Variants in XIRP2 observed in about 807,000 individuals in gnomAD.
XIRP2 encodes xin actin binding repeat containing 2, also known as xin actin-binding repeat-containing protein 2.
In XIRP2, 236 loss-of-function variants were observed where a neutral mutation model predicts 277.0. That is an observed-to-expected ratio of 0.85 (90% CI 0.77 to 0.95). The LOEUF is 0.95. Among genes scored for constraint, XIRP2 ranks in the 40% least tolerant of loss-of-function variants. The pLI is 0.00. For synonymous variants in XIRP2, 1,490 were observed against 1,416.5 expected (o/e 1.05, Z -1.17); for missense variants, 4,640 against 4,157.5 (o/e 1.12, Z -3.19).
intron 2 of XIRP2, among the ~76,000 whole-genome samples, chr2:166,998,677 G>A (rs945908374): frequency 3.3e-5 from 5 of 152,074 alleles, no homozygotes; most frequent in African/African-American, 1.2e-4. Flanking sequence ...TCAACTCAGA[G>A]TGAATGGTCA....
intron 2 of XIRP2, among the ~76,000 whole-genome samples, chr2:167,093,136 G>A (rs952705970): frequency 6.6e-6 from 1 of 151,744 alleles, no homozygotes; most frequent in Admixed American, 6.6e-5. Flanking sequence ...TATTTTTGAT[G>A]TTACACATAA....
In XIRP2 at chr2:167,039,057, C is replaced by T. The variant is rs1175181749; in HGVS notation, c.409-96852C>T. The stretch of plus-strand genomic sequence containing the variant: ...TGAACCAATTCTATTTACTGCTTTC[C>T]CAAGAACGATTTGGTGTATTATTTG... On this transcript the variant is annotated intron_variant, in intron 2 of 10. Transcript: ENST00000409195. Among the ~76,000 whole-genome samples the T allele has an allele frequency of 2.6e-5, 4 of 151,930 alleles. No homozygotes were observed. The East Asian group carries it at 7.7e-4, about 29-fold the overall frequency.
intron 2 of XIRP2, among the ~76,000 whole-genome samples, chr2:167,051,439 ATTATT>A (rs1298594790): frequency 6.6e-6 from 1 of 152,164 alleles, no homozygotes; most frequent in East Asian, 1.9e-4. Context: ...AAAATGATAA[ATTATT>A]TTATTGTAGT....
At chr2:167,228,623 G>C (rs1694674358) in intron 5 of XIRP2, among the ~76,000 whole-genome samples, 1 of 152,142 alleles carries the variant, frequency 6.6e-6, no homozygotes, top group Non-Finnish European at 1.5e-5. Context: ...TTAACGTGTA[G>C]AGGGTGCCCT....
chr2:167,116,184 C>T (rs1404605693), intron 2 of XIRP2, among the ~76,000 whole-genome samples: 1 of 152,022 alleles, frequency 6.6e-6, no homozygotes, highest in East Asian at 1.9e-4. Context: ...TTTTCTATAT[C>T]ATTAATAGAT....
intron 2 of XIRP2, among the ~76,000 whole-genome samples, chr2:166,961,441 TA>T (rs1011088846): frequency 2.6e-5 from 4 of 151,658 alleles, no homozygotes; most frequent in Non-Finnish European, 4.4e-5. Context: ...TTTAAAAAAG[TA>T]AAAAAAGAAT....
chr2:167,250,966 T>C lies in XIRP2; in HGVS notation c.9574T>C (p.Leu3192=), dbSNP rs1197860876. The C allele has an allele frequency of 1.9e-6, 3 of 1,613,454 alleles. No individual in the cohort carries two copies. The African/African-American group carries it at 4.0e-5, about 22-fold the overall frequency. The stretch of plus-strand genomic sequence containing the variant: ...CAGACTCAAAGACACCACTGCAAAG[T>C]TATCCAAAGGGGCCATCCCATGTCC... ...LVRLKDTTAK[L]SKGAIPCPAA... The change falls in exon 9 of 11, where the codon TTA becomes CTA. Residue 3192 remains leucine (L), a synonymous_variant. Coordinates refer to ENST00000409195, the MANE Select transcript of XIRP2 (RefSeq NM_152381.6).
At chr2:167,031,575 A>T (rs972479128) in intron 2 of XIRP2, among the ~76,000 whole-genome samples, 1 of 151,784 alleles carries the variant, frequency 6.6e-6, no homozygotes, top group Non-Finnish European at 1.5e-5. Context: ...CAGCACAAAA[A>T]CTCCTTAAGC....
At chr2:166,891,476 T>C (rs376641849) in intron 1 of XIRP2, among the ~76,000 whole-genome samples, 23 of 152,298 alleles carry the variant, frequency 1.5e-4, no homozygotes, top group Non-Finnish European at 3.1e-4. Flanking sequence ...TAATTGACAA[T>C]ATATAATAAT....
At chr2:167,169,774 C>T (rs978012110) in intron 3 of XIRP2, among the ~76,000 whole-genome samples, 14 of 152,064 alleles carry the variant, frequency 9.2e-5, no homozygotes, top group Admixed American at 9.2e-4. Flanking sequence ...GTGAGCTTGC[C>T]ATATCTACTG....
chr2:166,958,995 C>T (rs1050579395), intron 2 of XIRP2, among the ~76,000 whole-genome samples: 3 of 151,748 alleles, frequency 2.0e-5, no homozygotes, highest in African/African-American at 7.3e-5. Flanking sequence ...GTGACTACTC[C>T]ACATCCCATA....
chr2:167,145,799 G>C (rs1691848399), intron 3 of XIRP2, among the ~76,000 whole-genome samples: 1 of 152,128 alleles, frequency 6.6e-6, no homozygotes, highest in Admixed American at 6.6e-5. Context: ...ATGTTGCAGA[G>C]TACATGACAG....
intron 2 of XIRP2, among the ~76,000 whole-genome samples, chr2:167,042,614 G>C (rs1015539543): frequency 6.6e-6 from 1 of 151,976 alleles, no homozygotes; most frequent in Non-Finnish European, 1.5e-5. Flanking sequence ...GACAAAGAAG[G>C]GCATTATATA....
At chr2:167,187,221 T>C in intron 3 of XIRP2, 2 of 985,010 alleles carry the variant, frequency 2.0e-6, no homozygotes, top group East Asian at 1.1e-4. Context: ...CTGAGGGCAC[T>C]ATGAGGCAGA....
intron 3 of XIRP2, among the ~76,000 whole-genome samples, chr2:167,138,233 A>T (rs1691612616): frequency 6.6e-6 from 1 of 152,344 alleles, no homozygotes; most frequent in East Asian, 1.9e-4. Flanking sequence ...GTAGATTTTT[A>T]AAATTACACT....
chr2:167,065,373 T>A (rs559873173), intron 2 of XIRP2, among the ~76,000 whole-genome samples: 136 of 152,032 alleles, frequency 8.9e-4, no homozygotes, highest in African/African-American at 3.1e-3. Context: ...GTTGATGTTG[T>A]TTTGAGTTTT....
At chr2:167,115,572 AG>A (rs1355995389) in intron 2 of XIRP2, among the ~76,000 whole-genome samples, 4 of 152,130 alleles carry the variant, frequency 2.6e-5, no homozygotes, top group African/African-American at 9.7e-5. Context: ...TTACAGTATA[AG>A]GTGAATTCAG....
At chr2:167,098,357 A>G (rs140165149) in intron 2 of XIRP2, among the ~76,000 whole-genome samples, 2,218 of 152,232 alleles carry the variant, frequency 0.015, 58 homozygotes, top group African/African-American at 0.051. Flanking sequence ...ATTCTTGTGT[A>G]TACTTCATGA....
rs1573988276 is a variant in XIRP2, at chr2:167,241,703, C to A, written c.1043-74C>A. 16 of 1,493,480 alleles carry A rather than the reference C, an allele frequency of 1.1e-5. No homozygotes were observed. In the East Asian group the frequency reaches 3.6e-4, roughly 33 times the overall value. The allele number at this position is 1,493,480 out of a possible 1,614,324, so 92.5% of individuals were successfully genotyped here. A position where few individuals can be genotyped will look rare whatever the true frequency, so the allele number is the denominator to read the frequency against. ...GGGATTACAGGAATGAGCCACCATG[C>A]CCAGCCATAATTTCTTCTTAAACAT... is the stretch of plus-strand genomic sequence containing the variant. On this transcript the variant is annotated intron_variant, in intron 7 of 10. Coordinates refer to ENST00000409195, the MANE Select transcript of XIRP2 (RefSeq NM_152381.6).
Sources: gnomAD v4.1 joint callset for allele counts (sites outside exome capture counted in the v4.1 genomes callset) on GRCh38, gnomAD v4.1.1 for gene constraint, MANE v1.5 for transcripts, NCBI Gene and HGNC (gene_info 2026-07-23, HGNC 2026-07-21) for gene names.